SFMBT2: variants seen among roughly 807,000 people sequenced by gnomAD.
The protein encoded by SFMBT2 is Scm like with four mbt domains 2, also known as scm-like with four MBT domains protein 2.
In SFMBT2, 38 loss-of-function variants were observed where a neutral mutation model predicts 110.1. That is an observed-to-expected ratio of 0.35 (90% CI 0.27 to 0.45). The LOEUF is 0.45. SFMBT2 is among the 20% of genes least tolerant of loss of function. SFMBT2 has a pLI of 1.00. For missense variants in SFMBT2, 1,011 were observed against 1,094.9 expected, an observed-to-expected ratio of 0.92 and a Z score of 1.08; for synonymous variants, 425 against 425.4, an observed-to-expected ratio of 1.00 and a Z score of 0.01.
intron 9 of SFMBT2, among the ~76,000 whole-genome samples, chr10:7,235,963 C>T (rs147417645): frequency 1.3e-5 from 2 of 152,214 alleles, no homozygotes; most frequent in African/African-American, 2.4e-5. Flanking sequence ...ACATCAACAG[C>T]TCCAGATAGG....
chr10:7,365,157 TAC>T (rs1282506435), intron 4 of SFMBT2, among the ~76,000 whole-genome samples: 1 of 152,142 alleles, frequency 6.6e-6, no homozygotes, highest in Non-Finnish European at 1.5e-5. Context: ...GCGATTTGCG[TAC>T]ACAGAGCTGG....
chr10:7,260,687 G>A (rs1177831542), intron 7 of SFMBT2, among the ~76,000 whole-genome samples: 2 of 152,046 alleles, frequency 1.3e-5, no homozygotes, highest in Non-Finnish European at 1.5e-5. Context: ...CTACACAGGC[G>A]GCATCTACCA....
rs1264533402 is a variant in SFMBT2, at chr10:7,366,542, G to A, written c.436+1107C>T. Among the ~76,000 whole-genome samples the A allele has an allele frequency of 2.6e-5, 4 of 151,970 alleles. No individual in the cohort carries two copies. In the South Asian group the frequency reaches 6.2e-4, roughly 24 times the overall value. ...GGATTTCACCTCTCCAAGTTTATAC[G>A]TCACTTCAAGATGAAAACAGGCAGC... On this transcript the variant is annotated intron_variant, in intron 4 of 20. Transcript: ENST00000397167.
chr10:7,358,780 C>T (rs968935503), intron 4 of SFMBT2, among the ~76,000 whole-genome samples: 1 of 151,090 alleles, frequency 6.6e-6, no homozygotes, highest in Non-Finnish European at 1.5e-5. Flanking sequence ...ATCTGCATGG[C>T]CCTGGAATGG....
chr10:7,392,330 C>A (rs546368823), intron 1 of SFMBT2, among the ~76,000 whole-genome samples: 2 of 152,292 alleles, frequency 1.3e-5, no homozygotes, highest in African/African-American at 2.4e-5. Context: ...GCCTGGGCAA[C>A]ATGCAGAAAC....
chr10:7,362,785 T>C (rs1262562038), intron 4 of SFMBT2, among the ~76,000 whole-genome samples: 1 of 152,238 alleles, frequency 6.6e-6, no homozygotes, highest in African/African-American at 2.4e-5. Flanking sequence ...GCATACACCG[T>C]AACTTGCTGA....
At position 7,197,944 on chromosome 10, in the gene SFMBT2, AAC is replaced by A. The variant is rs1451394867; in HGVS notation, c.1559-259_1559-258del. ...AAATCGTGACAAAGCAGCAGAGAAA[AAC>A]AGATGATTTTCTTCTTTTGAGAAAG... On this transcript the variant is annotated intron_variant, in intron 14 of 20. Coordinates refer to ENST00000397167, the MANE Select transcript of SFMBT2 (RefSeq NM_001387889.1). 26 of 978,524 alleles carry A rather than the reference AAC, an allele frequency of 2.7e-5. No individual in the cohort carries two copies. The Admixed American group carries it at 3.1e-4, about 12-fold the overall frequency. The allele number at this position is 978,524 out of a possible 1,614,324, so 60.6% of individuals were successfully genotyped here.
At chr10:7,166,687 C>G (rs1242587457) in intron 20 of SFMBT2, among the ~76,000 whole-genome samples, 2 of 152,126 alleles carry the variant, frequency 1.3e-5, no homozygotes, top group East Asian at 3.8e-4. Flanking sequence ...GGACAGGCAA[C>G]CAAGCCAGTC....
Position 7,250,060 on chromosome 10 carries a change from G to A in SFMBT2, c.871-1411C>T, listed in dbSNP as rs569682285. Among the ~76,000 whole-genome samples the A allele has an allele frequency of 2.6e-5, 4 of 152,306 alleles. No individual in the cohort carries two copies. The East Asian group carries it at 7.7e-4, about 29-fold the overall frequency. On this transcript the variant is annotated intron_variant, in intron 7 of 20. Coordinates refer to ENST00000397167, the MANE Select transcript of SFMBT2 (RefSeq NM_001387889.1). ...ATTATATGCAGAAGGAAAAGTACAA[G>A]GAAATTAGGTGCAGGTGATGATGTG...
intron 4 of SFMBT2, among the ~76,000 whole-genome samples, chr10:7,303,005 C>T (rs990400569): frequency 2.1e-5 from 2 of 97,140 alleles, no homozygotes; most frequent in Non-Finnish European, 4.5e-5. Context: ...AAAAGGGTTA[C>T]AATGTTAAAA....
intron 4 of SFMBT2, among the ~76,000 whole-genome samples, chr10:7,361,711 A>C (rs772030509): frequency 2.0e-5 from 3 of 152,220 alleles, no homozygotes; most frequent in African/African-American, 2.4e-5. Flanking sequence ...CGGGGAAAAT[A>C]AAAATTAGCA....
At chr10:7,378,672 ATG>A (rs948833593) in intron 2 of SFMBT2, among the ~76,000 whole-genome samples, 27 of 121,266 alleles carry the variant, frequency 2.2e-4, no homozygotes, top group Admixed American at 2.2e-3. Context: ...GTGTGGGTGT[ATG>A]TGTGGATGGG....
rs774538957 is a variant in SFMBT2 at position 7,188,722 on chromosome 10, C to G, written c.1710G>C (p.Met570Ile). 3.7e-6 allele frequency: 6 copies of G among 1,612,168 alleles called. No homozygotes were observed. The highest frequency in any genetic ancestry group is 5.1e-6 in the Non-Finnish European group (6 of 1,178,998). The change falls in exon 16 of 21, where the codon ATG (methionine) becomes ATC (isoleucine). Residue 570 changes from methionine (M) to isoleucine (I), a missense_variant. Physicochemically the swap from Met to Ile is conservative, Grantham distance 10. This residue lies in a region of SFMBT2 where 979 missense variants were observed against 1,016.1 expected (regional missense o/e 0.96). Coordinates refer to ENST00000397167, the MANE Select transcript of SFMBT2 (RefSeq NM_001387889.1). ...CVLVLKEVLSMIINAAYKPGR... is the reference protein window; with the variant it reads ...CVLVLKEVLSIIINAAYKPGR... ...CAGGCTTGTAGGCTGCGTTGATTAT[C>G]ATGCTAAGAACCTTTTGGGGAAAAA... is the stretch of plus-strand genomic sequence containing the variant.
chr10:7,218,415 T>C (rs1266456762), intron 11 of SFMBT2, among the ~76,000 whole-genome samples: 1 of 152,246 alleles, frequency 6.6e-6, no homozygotes, highest in African/African-American at 2.4e-5. Flanking sequence ...AATTTTACTT[T>C]ATTTGTATGC....
At chr10:7,397,740 C>T (rs1408758733) in intron 1 of SFMBT2, among the ~76,000 whole-genome samples, 2 of 152,258 alleles carry the variant, frequency 1.3e-5, no homozygotes, top group Non-Finnish European at 2.9e-5. Flanking sequence ...AGAACCGCAT[C>T]TGTAAATGGC....
chr10:7,168,910 T>C (rs1404298294), intron 20 of SFMBT2, among the ~76,000 whole-genome samples: 1 of 152,154 alleles, frequency 6.6e-6, no homozygotes, highest in Non-Finnish European at 1.5e-5. Context: ...GTGGCCAGTG[T>C]GAGAAGGTGA....
intron 20 of SFMBT2, among the ~76,000 whole-genome samples, chr10:7,169,987 C>T (rs756693442): frequency 1.3e-5 from 2 of 152,162 alleles, no homozygotes; most frequent in South Asian, 2.1e-4. Context: ...AAAACAATGA[C>T]GAAAGCAGCA....
intron 9 of SFMBT2, chr10:7,228,283 T>C (rs771249133): frequency 3.2e-5 from 14 of 431,662 alleles, no homozygotes; most frequent in Admixed American, 1.9e-4. Flanking sequence ...AGATAGACAA[T>C]GACATCTCCC....
rs544353854 is a variant in SFMBT2, at chr10:7,178,352, C to T, written c.1809-2187G>A. 1.6e-4 allele frequency among the ~76,000 whole-genome samples: 24 copies of T among 152,262 alleles called. No individual in the cohort carries two copies. The South Asian group carries it at 4.4e-3, about 28-fold the overall frequency. Reference sequence around the variant, plus strand: ...GAAGTTTTCCCCAAAACCTTTTCAACGCACTAGGAAAACGAGAGTTCTGGA... The same window carrying T: ...GAAGTTTTCCCCAAAACCTTTTCAATGCACTAGGAAAACGAGAGTTCTGGA... On this transcript the variant is annotated intron_variant, in intron 16 of 20. Transcript: ENST00000397167.
Sources: gnomAD v4.1 joint callset for allele counts (sites outside exome capture counted in the v4.1 genomes callset) on GRCh38, gnomAD v4.1.1 for gene constraint, gnomAD v4.1.1 regional missense constraint, MANE v1.5 for transcripts, NCBI Gene and HGNC (gene_info 2026-07-23, HGNC 2026-07-21) for gene names.